The following CDK6 variants were observed in gnomAD, a reference collection of about 807,000 sequenced individuals.
The protein encoded by CDK6 is cyclin dependent kinase 6.
A neutral mutation model predicts 37.1 loss-of-function variants in CDK6; 6 were observed. That is an observed-to-expected ratio of 0.16 (90% CI 0.09 to 0.32). The LOEUF (loss-of-function observed/expected upper bound fraction) is 0.32. Ranked by LOEUF, CDK6 falls within the 10% of genes least tolerant of loss-of-function variation. The pLI, the probability that CDK6 is intolerant of heterozygous loss-of-function variation, is 1.00. For synonymous variants in CDK6, 160 were observed against 161.3 expected (o/e 0.99, Z 0.06); for missense variants, 224 against 418.9 (o/e 0.53, Z 4.06).
At chr7:92,652,299 T>C (rs1456905948) in intron 5 of CDK6, among the ~76,000 whole-genome samples, 2 of 152,222 alleles carry the variant, frequency 1.3e-5, no homozygotes, top group African/African-American at 2.4e-5. Context: ...TGTTATTTGC[T>C]GTCTGCCTTA....
chr7:92,826,904 T>A (rs1801332531), intron 2 of CDK6, among the ~76,000 whole-genome samples: 1 of 152,186 alleles, frequency 6.6e-6, no homozygotes, highest in African/African-American at 2.4e-5. Flanking sequence ...ATGTTATTTA[T>A]GGATATAAAA....
intron 3 of CDK6, among the ~76,000 whole-genome samples, chr7:92,755,561 G>A (rs917117905): frequency 6.6e-6 from 1 of 152,162 alleles, no homozygotes; most frequent in African/African-American, 2.4e-5. Context: ...ACAATGTGGT[G>A]CGCACAAACC....
chr7:92,683,715 G>T (rs1184564654), intron 4 of CDK6, among the ~76,000 whole-genome samples: 2 of 152,140 alleles, frequency 1.3e-5, no homozygotes, highest in African/African-American at 4.8e-5. Context: ...GTGGTGGGGG[G>T]GGGGTCCCCA....
intron 5 of CDK6, among the ~76,000 whole-genome samples, chr7:92,634,554 T>C (rs1467411421): frequency 1.3e-5 from 2 of 152,174 alleles, no homozygotes; most frequent in African/African-American, 4.8e-5. Context: ...GAAATCCCAC[T>C]GGAATTCTGA....
intron 4 of CDK6, among the ~76,000 whole-genome samples, chr7:92,708,947 GTA>G (rs1798026179): frequency 6.6e-6 from 1 of 152,162 alleles, no homozygotes; most frequent in Non-Finnish European, 1.5e-5. Context: ...CAACAGTACA[GTA>G]TGAAGGCAAT....
At chr7:92,698,388 C>G (rs1271967611) in intron 4 of CDK6, among the ~76,000 whole-genome samples, 1 of 152,186 alleles carries the variant, frequency 6.6e-6, no homozygotes, top group Non-Finnish European at 1.5e-5. Context: ...CTCGCGCTAC[C>G]ACATCCGCAC....
chr7:92,762,580 T>C (rs1799483679), intron 3 of CDK6, among the ~76,000 whole-genome samples: 1 of 152,008 alleles, frequency 6.6e-6, no homozygotes, highest in Non-Finnish European at 1.5e-5. Flanking sequence ...CTTTTTTTTT[T>C]TTTTTGAGAT....
chr7:92,786,636 CATAT>C (rs35129215), intron 2 of CDK6, among the ~76,000 whole-genome samples: 7,432 of 140,018 alleles, frequency 0.053, 620 homozygotes, highest in African/African-American at 0.18. Flanking sequence ...TGTGTGTATA[CATAT>C]ATATATATAT....
intron 5 of CDK6, among the ~76,000 whole-genome samples, chr7:92,658,570 ACTCT>A (rs928662500): frequency 2.5e-4 from 36 of 145,732 alleles, no homozygotes; most frequent in Non-Finnish European, 3.1e-4. Context: ...GCATTTATAA[ACTCT>A]CTCTCTTTCT....
chr7:92,622,876 T>C (rs1251889269), intron 6 of CDK6, among the ~76,000 whole-genome samples, 160 bp downstream of exon 6: 2 of 152,060 alleles, frequency 1.3e-5, no homozygotes, highest in Non-Finnish European at 2.9e-5. Flanking sequence ...ACGGCACTTC[T>C]ACCATGTCTC....
intron 5 of CDK6, among the ~76,000 whole-genome samples, chr7:92,662,931 C>G (rs539820714): frequency 6.6e-6 from 1 of 152,000 alleles, no homozygotes; most frequent in Non-Finnish European, 1.5e-5. Flanking sequence ...AGAAAAAGGC[C>G]GGGTTTTAGT....
At chr7:92,815,009 G>A (rs1419360536) in intron 2 of CDK6, among the ~76,000 whole-genome samples, 1 of 152,120 alleles carries the variant, frequency 6.6e-6, no homozygotes, top group Non-Finnish European at 1.5e-5. Context: ...CACTGCCCTA[G>A]AACAAGCCAT....
At chr7:92,745,204 T>C (rs1799029937) in intron 3 of CDK6, among the ~76,000 whole-genome samples, 1 of 152,204 alleles carries the variant, frequency 6.6e-6, no homozygotes, top group African/African-American at 2.4e-5. Flanking sequence ...CTTCTTCACA[T>C]TTGGATTTTA....
chr7:92,820,000 C>T (rs545280510), intron 2 of CDK6, among the ~76,000 whole-genome samples: 3 of 151,736 alleles, frequency 2.0e-5, no homozygotes, highest in African/African-American at 2.4e-5. Context: ...AAAAATAAAA[C>T]GAAGCAAATC....
chr7:92,780,501 C>A (rs939123192), intron 2 of CDK6, among the ~76,000 whole-genome samples: 4 of 151,958 alleles, frequency 2.6e-5, no homozygotes, highest in African/African-American at 7.2e-5. Flanking sequence ...TGGCTCACAC[C>A]TGTAATCCTA....
At chr7:92,782,060 G>A (rs927288629) in intron 2 of CDK6, among the ~76,000 whole-genome samples, 8 of 152,126 alleles carry the variant, frequency 5.3e-5, no homozygotes, top group African/African-American at 1.4e-4. Flanking sequence ...AGCAAATTGC[G>A]ATTTCAGCAG....
chr7:92,698,238 C>G (rs1797765207), intron 4 of CDK6, among the ~76,000 whole-genome samples: 1 of 152,154 alleles, frequency 6.6e-6, no homozygotes, highest in Non-Finnish European at 1.5e-5. Flanking sequence ...TATTAGGCAC[C>G]ACCAGTTACA....
At chr7:92,681,856 GTA>G (rs1384495837) in intron 4 of CDK6, among the ~76,000 whole-genome samples, 1 of 152,106 alleles carries the variant, frequency 6.6e-6, no homozygotes, top group Non-Finnish European at 1.5e-5. Context: ...AATCCATGCT[GTA>G]TTCAGAACTC....
At chr7:92,689,073 C>G (rs148483712) in intron 4 of CDK6, among the ~76,000 whole-genome samples, 1 of 152,242 alleles carries the variant, frequency 6.6e-6, no homozygotes, top group African/African-American at 2.4e-5. Context: ...TTGCAGAGTG[C>G]TACTTGGTGG....
Sources: allele counts gnomAD v4.1 joint callset (sites outside exome capture counted in the v4.1 genomes callset), GRCh38; gene constraint gnomAD v4.1.1; transcripts MANE v1.5; gene names NCBI Gene and HGNC (gene_info 2026-07-23, HGNC 2026-07-21).